The following WDFY3 variants were observed in gnomAD, a reference collection of about 807,000 sequenced individuals.
The protein encoded by WDFY3 is WD repeat and FYVE domain-containing protein 3.
Under a neutral mutation model 409.6 loss-of-function variants are expected in WDFY3, and 66 were observed. The observed-to-expected ratio is 0.16, with a 90% CI of 0.13 to 0.20. The LOEUF is 0.20. Among genes scored for constraint, WDFY3 ranks in the 10% least tolerant of loss-of-function variants. The pLI is 1.00. For missense variants in WDFY3, 3,031 were observed against 4,298.1 expected, an observed-to-expected ratio of 0.71 and a Z score of 8.24; for synonymous variants, 1,521 against 1,537.1, an observed-to-expected ratio of 0.99 and a Z score of 0.25.
intron 1 of WDFY3, among the ~76,000 whole-genome samples, chr4:84,964,079 C>T (rs1028606228): frequency 3.9e-5 from 6 of 152,146 alleles, no homozygotes; most frequent in African/African-American, 1.2e-4. Flanking sequence ...AATGTGATCA[C>T]CCAACAGAGT....
chr4:84,795,634 C>T (rs186488631), intron 19 of WDFY3, among the ~76,000 whole-genome samples: 53 of 152,206 alleles, frequency 3.5e-4, no homozygotes, highest in African/African-American at 1.0e-3. Context: ...CGGTGGCGTG[C>T]GCCCATAATC....
In WDFY3 at chr4:84,671,431, G is replaced by A. The variant is rs968236411; in HGVS notation, c.*1437C>T. The A allele has an allele frequency of 6.6e-6, 1 of 151,768 alleles. No homozygotes were observed. The highest frequency in any genetic ancestry group is 1.5e-5 in the Non-Finnish European group (1 of 67,892). The allele number at this position is 151,768 out of a possible 1,614,324, so 9.4% of individuals were successfully genotyped here. ...CAGGGCTTTTAGAATTGTTCATAAT[G>A]TTATCACTAAGTTTCTGAAAATGTT... On this transcript the variant is annotated 3_prime_UTR_variant, in exon 68 of 68. Transcript: ENST00000295888.
At chr4:84,698,581 C>T (rs1268669775) in intron 56 of WDFY3, among the ~76,000 whole-genome samples, 1 of 152,138 alleles carries the variant, frequency 6.6e-6, no homozygotes, top group Non-Finnish European at 1.5e-5. Flanking sequence ...CTTAATTTTG[C>T]TATTCTGAAG....
intron 32 of WDFY3, 132 bp downstream of exon 32, chr4:84,765,678 C>G (rs2149389045): frequency 1.4e-6 from 1 of 703,744 alleles, no homozygotes; most frequent in African/African-American, 1.8e-5. Flanking sequence ...GTAAGCTCTT[C>G]CTTCTATCAT....
chr4:84,725,319 T>C (rs1245218919), intron 45 of WDFY3, among the ~76,000 whole-genome samples: 1 of 152,216 alleles, frequency 6.6e-6, no homozygotes, highest in Non-Finnish European at 1.5e-5. Context: ...TACTCATTCT[T>C]AATGAACATA....
intron 1 of WDFY3, among the ~76,000 whole-genome samples, chr4:84,934,981 T>G (rs1771228044): frequency 6.6e-6 from 1 of 152,182 alleles, no homozygotes; most frequent in African/African-American, 2.4e-5. Context: ...CCTCCTGTCT[T>G]GTAGGATTTG....
chr4:84,910,266 A>G (rs1484131532), intron 2 of WDFY3, among the ~76,000 whole-genome samples: 1 of 152,194 alleles, frequency 6.6e-6, no homozygotes, highest in Non-Finnish European at 1.5e-5. Context: ...CACGGACTTG[A>G]GCACCTACAG....
At chr4:84,679,521 G>T (rs1018156419) in intron 64 of WDFY3, among the ~76,000 whole-genome samples, 5 of 152,042 alleles carry the variant, frequency 3.3e-5, no homozygotes, top group Non-Finnish European at 7.4e-5. Flanking sequence ...ATCTGCCTTT[G>T]CCGCACACTC....
At chr4:84,904,439 C>G (rs920813294) in intron 2 of WDFY3, among the ~76,000 whole-genome samples, 1 of 152,124 alleles carries the variant, frequency 6.6e-6, no homozygotes, top group African/African-American at 2.4e-5. Flanking sequence ...AAAGGTCACA[C>G]AGCTTGGAAG....
chr4:84,737,514 G>C (rs1737653237), intron 40 of WDFY3, 148 bp from the exon 41 acceptor site: 2 of 923,704 alleles, frequency 2.2e-6, no homozygotes, highest in Non-Finnish European at 2.9e-6. Context: ...GTTGTATCTA[G>C]CCCAGTGAAA....
rs1750615215 is a variant in WDFY3, at chr4:84,801,808, T to G, written c.2664A>C (p.Thr888=). ...VANILQSLVH[T]ERNQQVMCEA... ...CACACATGACTTGCTGGTTCCTTTCTGTGTGCACCAGGGATTGTAAAATAT... is the reference window on the plus strand; with the variant it reads ...CACACATGACTTGCTGGTTCCTTTCGGTGTGCACCAGGGATTGTAAAATAT... Residue 888 remains threonine, a synonymous_variant, in exon 17 of 68, where the codon ACA becomes ACC. Transcript: ENST00000295888. 1 of 1,614,212 alleles carries G rather than the reference T, an allele frequency of 6.2e-7. No homozygotes were observed. Among genetic ancestry groups the G allele is most frequent in the Non-Finnish European group, 8.5e-7 (1 of 1,180,036 alleles).
At chr4:84,700,801 AC>A (rs1730957449) in intron 56 of WDFY3, among the ~76,000 whole-genome samples, 1 of 152,196 alleles carries the variant, frequency 6.6e-6, no homozygotes, top group Non-Finnish European at 1.5e-5. Flanking sequence ...TTATAAGTGA[AC>A]ATAAGAAAAC....
At chr4:84,704,912 C>T (rs370933275) in intron 54 of WDFY3, among the ~76,000 whole-genome samples, 1 of 152,156 alleles carries the variant, frequency 6.6e-6, no homozygotes, top group African/African-American at 2.4e-5. Context: ...CAAGCTTAGG[C>T]TTTCTTTCTC....
chr4:84,779,964 A>T, intron 26 of WDFY3, 144 bp downstream of exon 26: 4 of 855,278 alleles, frequency 4.7e-6, no homozygotes, highest in Non-Finnish European at 5.2e-6. Flanking sequence ...TTTGACATAT[A>T]TTAGTTTTCA....
At chr4:84,882,663 T>G (rs948231113) in intron 3 of WDFY3, among the ~76,000 whole-genome samples, 5 of 152,114 alleles carry the variant, frequency 3.3e-5, no homozygotes, top group African/African-American at 1.2e-4. Flanking sequence ...ACACAAAAAT[T>G]ACTTGTCAGT....
rs766080111 is a variant in WDFY3 at position 84,713,212 on chromosome 4, C to T, written c.7989G>A (p.Thr2663=). 14 of 1,614,080 alleles carry T rather than the reference C, an allele frequency of 8.7e-6. No individual in the cohort carries two copies. The highest frequency in any genetic ancestry group is 3.3e-5 in the Admixed American group (2 of 60,016). Reference sequence around the variant, plus strand: ...GCCCAGATACAGATTCTGAACTGTCCGTTAGAGATGGCACTACAGCCAAAA... The same window carrying T: ...GCCCAGATACAGATTCTGAACTGTCTGTTAGAGATGGCACTACAGCCAAAA... ...QRFLAVVPSL[T]DSSESVSGQR... is the part of the protein sequence containing the mutation. Residue 2663 remains threonine, a synonymous_variant, in exon 51 of 68, where the codon ACG becomes ACA. Transcript: ENST00000295888.
intron 61 of WDFY3, among the ~76,000 whole-genome samples, chr4:84,688,593 T>A (rs1728719970): frequency 6.6e-6 from 1 of 152,116 alleles, no homozygotes; most frequent in Admixed American, 6.5e-5. Flanking sequence ...TTTATACCAT[T>A]TTTATGTAGA....
chr4:84,833,807 C>G (rs1253662180), intron 7 of WDFY3, among the ~76,000 whole-genome samples: 7 of 152,144 alleles, frequency 4.6e-5, no homozygotes, highest in Non-Finnish European at 8.8e-5. Flanking sequence ...ACTAGGCCTT[C>G]CTTTTCCTAT....
At chr4:84,726,341 C>T (rs1735650364) in intron 45 of WDFY3, among the ~76,000 whole-genome samples, 1 of 151,928 alleles carries the variant, frequency 6.6e-6, no homozygotes, top group Non-Finnish European at 1.5e-5. Flanking sequence ...TTCTGGAATA[C>T]AAAAACGATA....
Sources: allele counts gnomAD v4.1 joint callset (sites outside exome capture counted in the v4.1 genomes callset), GRCh38; gene constraint gnomAD v4.1.1; transcripts MANE v1.5; gene names NCBI Gene and HGNC (gene_info 2026-07-23, HGNC 2026-07-21).